C10orf71: variants seen among roughly 807,000 people sequenced by gnomAD.
C10orf71 encodes the protein cardiac-enriched FHL2-interacting protein.
For synonymous variants in C10orf71, 758 were observed against 726.3 expected, an observed-to-expected ratio of 1.04 and a Z score of -0.70; for missense variants, 1,869 against 1,804.5, an observed-to-expected ratio of 1.04 and a Z score of -0.65.
intron 1 of C10orf71, among the ~76,000 whole-genome samples, chr10:49,313,159 C>T (rs1383344971): frequency 6.6e-6 from 1 of 152,084 alleles, no homozygotes; most frequent in African/African-American, 2.4e-5. Context: ...ATGGGTATAG[C>T]CCATGATAAA....
Position 49,323,994 on chromosome 10 carries a change from C to A in C10orf71, c.1449C>A (p.Pro483=). 3 of 1,613,502 alleles carry A rather than the reference C, an allele frequency of 1.9e-6. No homozygotes were observed. Among genetic ancestry groups the A allele is most frequent in the East Asian group, 2.2e-5 (1 of 44,854 alleles). ...GQLNGYQEKE[P]SECQSRDSYK... ...TAAACGGATACCAAGAGAAGGAGCC[C>A]AGTGAATGTCAGTCTCGAGACAGCT... Residue 483 remains proline (P), a synonymous_variant, in exon 3 of 3, where the codon CCC becomes CCA. Transcript: ENST00000374144.
chr10:49,325,878 G>A lies in C10orf71; in HGVS notation c.3333G>A (p.Glu1111=). Residue 1111 remains glutamate (E), a synonymous_variant, in exon 3 of 3, where the codon GAG becomes GAA. Coordinates refer to ENST00000374144, the MANE Select transcript of C10orf71 (RefSeq NM_001135196.2). ...SSSPARVTRR[E]DLTHALVWEG... Reference sequence around the variant, plus strand: ...GTCCTGCCAGGGTCACCCGGAGGGAGGACCTGACCCACGCCCTCGTGTGGG... The same window carrying A: ...GTCCTGCCAGGGTCACCCGGAGGGAAGACCTGACCCACGCCCTCGTGTGGG... The A allele has an allele frequency of 6.5e-7, 1 of 1,550,118 alleles. No individual in the cohort carries two copies. Among genetic ancestry groups the A allele is most frequent in the Non-Finnish European group, 8.7e-7 (1 of 1,145,850 alleles).
At chr10:49,297,977 C>T (rs1025494528), upstream of C10orf71, among the ~76,000 whole-genome samples, 5 of 152,212 alleles carry the variant, frequency 3.3e-5, no homozygotes, top group Admixed American at 1.3e-4. Context: ...CAGGAGGAGG[C>T]GGGTCTGAAT....
At chr10:49,305,983 T>C (rs1848806098) in intron 1 of C10orf71, among the ~76,000 whole-genome samples, 1 of 152,260 alleles carries the variant, frequency 6.6e-6, no homozygotes. Flanking sequence ...TTTTCCATGA[T>C]ACATATGTCT....
intron 1 of C10orf71, among the ~76,000 whole-genome samples, chr10:49,309,843 C>A (rs1848880233): frequency 6.6e-6 from 1 of 152,208 alleles, no homozygotes. Context: ...GAAAGAAGAG[C>A]AAGAGGAATC....
In C10orf71 at chr10:49,326,175, C is replaced by T. The variant is rs1290106465; in HGVS notation, c.3630C>T (p.Cys1210=). The T allele has an allele frequency of 1.3e-6, 2 of 1,551,598 alleles. No individual in the cohort carries two copies. The highest frequency in any genetic ancestry group is 1.7e-6 in the Non-Finnish European group (2 of 1,146,982). The change falls in exon 3 of 3, where the codon TGC becomes TGT. Residue 1210 remains cysteine (C), a synonymous_variant. Coordinates refer to ENST00000374144, the MANE Select transcript of C10orf71 (RefSeq NM_001135196.2). ...KHGESQEGKP[C]PEDLEQTQQR... is the part of the protein sequence containing the mutation. ...GCGAGTCACAGGAGGGAAAGCCCTGCCCGGAGGACTTGGAGCAGACACAGC... is the reference window on the plus strand; with the variant it reads ...GCGAGTCACAGGAGGGAAAGCCCTGTCCGGAGGACTTGGAGCAGACACAGC...
At chr10:49,317,577 G>T (rs554426497) in intron 2 of C10orf71, among the ~76,000 whole-genome samples, 65 of 152,318 alleles carry the variant, frequency 4.3e-4, no homozygotes, top group South Asian at 1.7e-3. Context: ...TGGGCAGAGC[G>T]CAGTGGCTTA....
At chr10:49,304,632 G>A (rs182285628) in intron 1 of C10orf71, among the ~76,000 whole-genome samples, 3 of 152,276 alleles carry the variant, frequency 2.0e-5, no homozygotes, top group Non-Finnish European at 2.9e-5. Context: ...CTGCCCTCCC[G>A]TAGTTCTCAG....
Position 49,326,375 on chromosome 10 carries a change from T to C in C10orf71, c.3830T>C (p.Leu1277Pro). 6.4e-7 allele frequency: 1 copy of C among 1,550,446 alleles called. No individual in the cohort carries two copies. Among genetic ancestry groups the C allele is most frequent in the Non-Finnish European group, 8.7e-7 (1 of 1,146,890 alleles). Residue 1277 changes from leucine to proline, a missense_variant, in exon 3 of 3, where the codon CTC becomes CCC. Coordinates refer to ENST00000374144, the MANE Select transcript of C10orf71 (RefSeq NM_001135196.2). ...GCGTACCCCGCCACCCAGAAGGTCC[T>C]CCAGGATCCGCAGTCCGGGGAGTAC... ...LPAYPATQKVLQDPQSGEYFV... is the reference protein window; with the variant it reads ...LPAYPATQKVPQDPQSGEYFV...
At chr10:49,298,123 G>A (rs1025475266), upstream of C10orf71, among the ~76,000 whole-genome samples, 2 of 152,222 alleles carry the variant, frequency 1.3e-5, no homozygotes, top group Non-Finnish European at 2.9e-5. Context: ...GCTGGAGGTG[G>A]TGCCAGGCCC....
In C10orf71 at chr10:49,300,840, G is replaced by A. The variant is rs998182525; in HGVS notation, c.-248+1607G>A. The stretch of plus-strand genomic sequence containing the variant: ...CACTGGGAAGGGAACAACTGTGTGC[G>A]GTGGGTAAGAAGGGGGCTGGTAGAA... On this transcript the variant is annotated intron_variant, in intron 1 of 2. Coordinates refer to ENST00000374144, the MANE Select transcript of C10orf71 (RefSeq NM_001135196.2). 4.6e-5 allele frequency among the ~76,000 whole-genome samples: 7 copies of A among 152,318 alleles called. No individual in the cohort carries two copies. The Middle Eastern group carries it at 0.01, about 222-fold the overall frequency.
In C10orf71 at chr10:49,324,866, T is replaced by C. The variant is rs1241043224; in HGVS notation, c.2321T>C (p.Met774Thr). The C allele has an allele frequency of 1.9e-6, 3 of 1,551,676 alleles. No homozygotes were observed. Among genetic ancestry groups the C allele is most frequent in the Non-Finnish European group, 2.6e-6 (3 of 1,147,002 alleles). Residue 774 changes from methionine (M) to threonine (T), a missense_variant, in exon 3 of 3, where the codon ATG becomes ACG. Physicochemically the swap from Met to Thr is moderately conservative, Grantham distance 81 (BLOSUM62 -1). Transcript: ENST00000374144. The part of the protein sequence containing the change: ...DSQKDEKENV[M>T]RKDELQYCAL... ...CAGAAGGATGAGAAGGAGAATGTGA[T>C]GCGGAAGGATGAGCTGCAGTACTGT... is the stretch of plus-strand genomic sequence containing the variant.
chr10:49,317,026 T>C (rs1297999585), intron 2 of C10orf71, among the ~76,000 whole-genome samples: 1 of 152,168 alleles, frequency 6.6e-6, no homozygotes, highest in African/African-American at 2.4e-5. Context: ...TAAATTTAGG[T>C]CTCCAACTAA....
At chr10:49,321,314 G>A (rs530974620) in intron 2 of C10orf71, among the ~76,000 whole-genome samples, 1 of 152,212 alleles carries the variant, frequency 6.6e-6, no homozygotes, top group African/African-American at 2.4e-5. Flanking sequence ...ATCAATCAGT[G>A]TTTGTCTTTC....
At position 49,322,525 on chromosome 10, in the gene C10orf71, C is replaced by A; in HGVS notation, c.-21C>A. ...AGAGACACCTGCCGGCTGACAAGGA[C>A]AGCTTTCTTGGAGCCAACAGATGAT... On this transcript the variant is annotated 5_prime_UTR_variant, in exon 3 of 3. Transcript: ENST00000374144. The A allele has an allele frequency of 6.3e-7, 1 of 1,579,838 alleles. No homozygotes were observed. The highest frequency in any genetic ancestry group is 8.6e-7 in the Non-Finnish European group (1 of 1,159,898).
chr10:49,319,731 T>TATACAC (rs1564688282), intron 2 of C10orf71, among the ~76,000 whole-genome samples: 4 of 119,114 alleles, frequency 3.4e-5, no homozygotes, highest in Non-Finnish European at 5.2e-5. Context: ...TATATATATA[T>TATACAC]ATACACATAC....
At chr10:49,309,405 T>G (rs760993498) in intron 1 of C10orf71, among the ~76,000 whole-genome samples, 2 of 152,176 alleles carry the variant, frequency 1.3e-5, no homozygotes, top group Non-Finnish European at 2.9e-5. Flanking sequence ...AACAAGCAAG[T>G]GTCCATTTAC....
Position 49,325,330 on chromosome 10 carries a change from T to G in C10orf71, c.2785T>G (p.Cys929Gly). ...TAACACACGGGGCACACGTGTGAAGTGCATGGCCAACGAGGTCATGGAGGA... is the reference window on the plus strand; with the variant it reads ...TAACACACGGGGCACACGTGTGAAGGGCATGGCCAACGAGGTCATGGAGGA... ...PTNTRGTRVK[C>G]MANEVMEDPG... The change falls in exon 3 of 3, where the codon TGC becomes GGC. Residue 929 changes from cysteine to glycine, a missense_variant. Transcript: ENST00000374144. 1 of 1,551,682 alleles carries G rather than the reference T, an allele frequency of 6.4e-7. No individual in the cohort carries two copies. Among genetic ancestry groups the G allele is most frequent in the Non-Finnish European group, 8.7e-7 (1 of 1,146,990 alleles).
At position 49,323,142 on chromosome 10, in the gene C10orf71, C is replaced by T. The variant is rs1321665266; in HGVS notation, c.597C>T (p.Pro199=). 4.3e-6 allele frequency: 7 copies of T among 1,613,952 alleles called. No individual in the cohort carries two copies. Among genetic ancestry groups the T allele is most frequent in the East Asian group, 2.2e-5 (1 of 44,872 alleles). The change falls in exon 3 of 3, where the codon CCC becomes CCT. Residue 199 remains proline, a synonymous_variant. Coordinates refer to ENST00000374144, the MANE Select transcript of C10orf71 (RefSeq NM_001135196.2). The stretch of plus-strand genomic sequence containing the variant: ...CCTTTCTGACAGTCAGGAGGGTGCC[C>T]GCTGAAGTTTCCAACACCCATCAGA... ...DSAFLTVRRV[P]AEVSNTHQNS...
Sources: allele counts gnomAD v4.1 joint callset (sites outside exome capture counted in the v4.1 genomes callset), GRCh38; gene constraint gnomAD v4.1.1; transcripts MANE v1.5; gene names NCBI Gene and HGNC (gene_info 2026-07-23, HGNC 2026-07-21).